Variants in ATP2C2 observed in about 807,000 individuals in gnomAD.
ATP2C2 encodes calcium-transporting ATPase type 2C member 2.
ATP2C2 carries 171 observed loss-of-function variants against 110.8 expected under a neutral mutation model. That is an observed-to-expected ratio of 1.54 (90% CI 1.36 to 1.75). ATP2C2 has a LOEUF of 1.75. Among genes scored for constraint, ATP2C2 ranks in the 40% most tolerant of loss-of-function variants. The probability of loss-of-function intolerance (pLI) is 0.00; values close to 1 mark genes in which losing one functional copy is unlikely to be tolerated. For missense variants in ATP2C2, 1,963 were observed against 1,235.0 expected, an observed-to-expected ratio of 1.59 and a Z score of -8.84; for synonymous variants, 804 against 508.4, an observed-to-expected ratio of 1.58 and a Z score of -7.82.
intron 1 of ATP2C2, among the ~76,000 whole-genome samples, chr16:84,391,065 G>C (rs1404030872): frequency 8.1e-6 from 1 of 123,654 alleles, no homozygotes; most frequent in Non-Finnish European, 1.6e-5. Context: ...AGTGAGCCGA[G>C]ATCACACTGC....
At chr16:84,422,803 G>C (rs1311754805) in intron 9 of ATP2C2, 106 bp downstream of exon 9, 6 of 1,171,320 alleles carry the variant, frequency 5.1e-6, no homozygotes, top group Non-Finnish European at 7.2e-6. Context: ...GTGGCATGTG[G>C]TTCATATGAG....
intron 14 of ATP2C2, 29 bp downstream of exon 14, chr16:84,440,987 T>G: frequency 4.2e-5 from 63 of 1,516,110 alleles, no homozygotes; most frequent in Non-Finnish European, 5.6e-5. Context: ...ATGAGGGAAA[T>G]AGGCATTTAC....
chr16:84,422,555 C>T lies in ATP2C2; in HGVS notation c.774+16C>T. ...GAGGGGCCAGGTAAGCCCTGGGACA[C>T]CGAGGCCTTGGGCTCCCGTAACCCA... On this transcript the variant is annotated intron_variant, in intron 8 of 26. Coordinates refer to ENST00000262429, the MANE Select transcript of ATP2C2 (RefSeq NM_014861.4). 1 of 1,612,778 alleles carries T rather than the reference C, an allele frequency of 6.2e-7. No individual in the cohort carries two copies. The highest frequency in any genetic ancestry group is 8.5e-7 in the Non-Finnish European group (1 of 1,179,316).
In ATP2C2 at chr16:84,398,538, A is replaced by G. The variant is rs369571363; in HGVS notation, c.139A>G (p.Lys47Glu). 9 of 1,613,504 alleles carry G rather than the reference A, an allele frequency of 5.6e-6. No homozygotes were observed. The highest frequency in any genetic ancestry group is 7.6e-6 in the Non-Finnish European group (9 of 1,179,792). The change falls in exon 2 of 27, where the codon AAG becomes GAG. Residue 47 changes from lysine to glutamate, a missense_variant. Lys to Glu is a moderately conservative substitution (Grantham distance 56). Transcript: ENST00000262429. ...QSELKAIEKE[K>E]KVTALPPKEA... is the part of the protein sequence containing the mutation. ...TGAGCTGAAAGCCATCGAGAAAGAGAAGAAGGTGACAGCCCTGCCCCCCAA... is the reference window on the plus strand; with the variant it reads ...TGAGCTGAAAGCCATCGAGAAAGAGGAGAAGGTGACAGCCCTGCCCCCCAA...
rs371165980 is a variant in ATP2C2, at chr16:84,453,180, C to G, written c.1874C>G (p.Ser625Cys). ...TGCAACGGGAAGCTGCAAGCCATGT[C>G]CGGGGAGGAGGTGGACAGCGTGGAG... ...GLCNGKLQAM[S>C]GEEVDSVEKG... is the part of the protein sequence containing the mutation. Residue 625 changes from serine (S) to cysteine (C), a missense_variant, in exon 19 of 27, where the codon TCC becomes TGC. Coordinates refer to ENST00000262429, the MANE Select transcript of ATP2C2 (RefSeq NM_014861.4). The G allele has an allele frequency of 2.5e-6, 4 of 1,613,746 alleles. No individual in the cohort carries two copies. Among genetic ancestry groups the G allele is most frequent in the East Asian group, 2.2e-5 (1 of 44,888 alleles).
At chr16:84,390,951 T>C (rs956644741) in intron 1 of ATP2C2, among the ~76,000 whole-genome samples, 1 of 151,792 alleles carries the variant, frequency 6.6e-6, no homozygotes, top group South Asian at 2.1e-4. Flanking sequence ...CCGTCTCTAC[T>C]AAAAATACAA....
chr16:84,450,202 G>C (rs1447838695), intron 17 of ATP2C2, among the ~76,000 whole-genome samples: 1 of 152,216 alleles, frequency 6.6e-6, no homozygotes, highest in African/African-American at 2.4e-5. Context: ...TCTTCCACCT[G>C]TGGCTGGGAA....
chr16:84,388,413 C>T (rs1307925376), intron 1 of ATP2C2, among the ~76,000 whole-genome samples: 1 of 152,338 alleles, frequency 6.6e-6, no homozygotes, highest in Non-Finnish European at 1.5e-5. Flanking sequence ...GACTGTCTGC[C>T]CACCCCTAGG....
At chr16:84,428,469 T>C (rs556910740) in intron 11 of ATP2C2, among the ~76,000 whole-genome samples, 6 of 152,380 alleles carry the variant, frequency 3.9e-5, no homozygotes, top group African/African-American at 1.4e-4. Flanking sequence ...TTGGAAATAC[T>C]GTGTCTGGCT....
intron 1 of ATP2C2, among the ~76,000 whole-genome samples, chr16:84,380,575 G>T (rs1910516626): frequency 6.6e-6 from 1 of 152,148 alleles, no homozygotes; most frequent in Non-Finnish European, 1.5e-5. Context: ...GTTTGCTTGG[G>T]TGTTCTTGGC....
intron 1 of ATP2C2, among the ~76,000 whole-genome samples, chr16:84,396,167 A>T (rs1246330318): frequency 6.6e-6 from 1 of 152,070 alleles, no homozygotes; most frequent in Non-Finnish European, 1.5e-5. Flanking sequence ...ATTGAAGGTA[A>T]TTGGGCTCTT....
At chr16:84,433,249 G>C (rs1908436727) in intron 11 of ATP2C2, among the ~76,000 whole-genome samples, 1 of 152,078 alleles carries the variant, frequency 6.6e-6, no homozygotes, top group Non-Finnish European at 1.5e-5. Context: ...CAGGTATGGT[G>C]GTGCACGCTT....
chr16:84,394,016 A>G (rs1485097631), intron 1 of ATP2C2, among the ~76,000 whole-genome samples: 1 of 149,900 alleles, frequency 6.7e-6, no homozygotes, highest in East Asian at 1.9e-4. Flanking sequence ...AAAAATAAAA[A>G]AATAAAAAAT....
intron 24 of ATP2C2, 182 bp from the exon 25 acceptor site, chr16:84,461,532 G>A (rs1009020129): frequency 1.8e-5 from 12 of 668,510 alleles, no homozygotes; most frequent in African/African-American, 1.4e-4. Context: ...AGCATGTGCT[G>A]GGGAGACCCT....
chr16:84,433,412 AC>A (rs111820036), intron 11 of ATP2C2, among the ~76,000 whole-genome samples: 50,505 of 151,236 alleles, frequency 0.33, 8,933 homozygotes, highest in African/African-American at 0.45. Context: ...AAACCAAAAA[AC>A]CAAAAAAATC....
Position 84,386,465 on chromosome 16 carries a change from C to T in ATP2C2, c.100-12034C>T, listed in dbSNP as rs982620710. ...CAATTTCCCTGTATGTAACCCATCT[C>T]CTCACCTTGCCAACAATTGCACTGG... On this transcript the variant is annotated intron_variant, in intron 1 of 26. Transcript: ENST00000262429. Among the ~76,000 whole-genome samples the T allele has an allele frequency of 4.6e-5, 7 of 152,178 alleles. No individual in the cohort carries two copies. The East Asian group carries it at 1.3e-3, about 29-fold the overall frequency.
chr16:84,396,549 CAAAAAAA>C (rs57290176), intron 1 of ATP2C2, among the ~76,000 whole-genome samples: 5,508 of 74,972 alleles, frequency 0.073, 170 homozygotes, highest in Middle Eastern at 0.13. Context: ...GGCTCTATCT[CAAAAAAA>C]AAAAAAAAAA....
rs1045893212 is a variant in ATP2C2, at chr16:84,464,166, G to C, written c.*434G>C. ...ATAAAATGAGGGACTTTTAAATAAAGTGCTATGCCGGGGGATAATTATTTT... is the reference window on the plus strand; with the variant it reads ...ATAAAATGAGGGACTTTTAAATAAACTGCTATGCCGGGGGATAATTATTTT... On this transcript the variant is annotated 3_prime_UTR_variant, in exon 27 of 27. Coordinates refer to ENST00000262429, the MANE Select transcript of ATP2C2 (RefSeq NM_014861.4). 3 of 155,814 alleles carry C rather than the reference G, an allele frequency of 1.9e-5. No individual in the cohort carries two copies. The South Asian group carries it at 6.0e-4, about 31-fold the overall frequency. The allele number at this position is 155,814 out of a possible 1,614,324, so 9.7% of individuals were successfully genotyped here.
chr16:84,415,760 A>G (rs1906780623), intron 7 of ATP2C2, among the ~76,000 whole-genome samples, 169 bp downstream of exon 7: 1 of 152,232 alleles, frequency 6.6e-6, no homozygotes, highest in Non-Finnish European at 1.5e-5. Flanking sequence ...TGTTCTACGC[A>G]TAGAGCCCCT....
Sources: gnomAD v4.1 joint callset for allele counts (sites outside exome capture counted in the v4.1 genomes callset) on GRCh38, gnomAD v4.1.1 for gene constraint, MANE v1.5 for transcripts, NCBI Gene and HGNC (gene_info 2026-07-23, HGNC 2026-07-21) for gene names.